The following CIMAP2 variants were observed in gnomAD, a reference collection of about 807,000 sequenced individuals.
CIMAP2 encodes the protein ciliary microtubule-associated protein 2.
chr1:54,811,765 G>GCCGGGGGGGGGGGGGCCCCCCCCCC, the CIMAP2 span: 31 of 1,301,234 alleles, frequency 2.4e-5, no homozygotes, highest in Admixed American at 7.3e-5. Flanking sequence ...GGTTCTGACA[G>GCCGGGGGGGGGGGGGCCCCCCCCCC]CCTCCATGCC....
the CIMAP2 span, among the ~76,000 whole-genome samples, chr1:54,841,431 C>T: frequency 1.3e-5 from 2 of 152,036 alleles, no homozygotes; most frequent in African/African-American, 4.8e-5. Flanking sequence ...TACATTCTGG[C>T]CCTGATGCTG....
chr1:54,814,475 C>A, the CIMAP2 span, among the ~76,000 whole-genome samples: 3 of 152,318 alleles, frequency 2.0e-5, no homozygotes, highest in African/African-American at 7.2e-5. Context: ...TAGGCACTTT[C>A]CAGCCTTCCT....
At chr1:54,811,884 G>T in the CIMAP2 span, 1 of 1,613,258 alleles carries the variant, frequency 6.2e-7, no homozygotes, top group Non-Finnish European at 8.5e-7. Flanking sequence ...TCATTCCGAG[G>T]GCCTCATGTG....
the CIMAP2 span, among the ~76,000 whole-genome samples, chr1:54,820,047 T>TCCTC: frequency 1.4e-5 from 2 of 143,160 alleles, no homozygotes; most frequent in South Asian, 2.4e-4. Flanking sequence ...ATTCATTCCT[T>TCCTC]CCTTCTTCCC....
At chr1:54,811,798 A>G in the CIMAP2 span, 2 of 906,494 alleles carry the variant, frequency 2.2e-6, no homozygotes, top group Non-Finnish European at 3.2e-6. Context: ...CCACAGAACT[A>G]CTATCCAGGC....
At chr1:54,811,026 G>T in the CIMAP2 span, among the ~76,000 whole-genome samples, 1 of 152,182 alleles carries the variant, frequency 6.6e-6, no homozygotes, top group African/African-American at 2.4e-5. Flanking sequence ...TGCTCCCCAA[G>T]CACGTGCCAT....
At chr1:54,811,765 G>GCCGGGGGGGGGGGGGCGCCCCCCCC in the CIMAP2 span, 1 of 1,301,332 alleles carries the variant, frequency 7.7e-7, no homozygotes, top group Non-Finnish European at 1.1e-6. Context: ...GGTTCTGACA[G>GCCGGGGGGGGGGGGGCGCCCCCCCC]CCTCCATGCC....
At chr1:54,818,591 T>G in the CIMAP2 span, among the ~76,000 whole-genome samples, 4 of 152,104 alleles carry the variant, frequency 2.6e-5, no homozygotes, top group African/African-American at 9.7e-5. Context: ...GTGTGCAGTA[T>G]GTTCTTTTTT....
chr1:54,820,046 T>TTCC, the CIMAP2 span, among the ~76,000 whole-genome samples: 1 of 145,266 alleles, frequency 6.9e-6, no homozygotes. Flanking sequence ...CATTCATTCC[T>TTCC]TCCTTCTTCC....
At chr1:54,811,768 T>TGGGGGGG in the CIMAP2 span, 5 of 533,344 alleles carry the variant, frequency 9.4e-6, no homozygotes, top group Non-Finnish European at 1.9e-5. Flanking sequence ...TCTGACAGCC[T>TGGGGGGG]CCATGCCCCC....
the CIMAP2 span, among the ~76,000 whole-genome samples, chr1:54,824,724 T>C: frequency 0.2 from 29,736 of 151,778 alleles, 2,968 homozygotes; most frequent in East Asian, 0.33. Flanking sequence ...CTAGGATTTC[T>C]GTTTGGTTCC....
At chr1:54,806,104 G>A in the CIMAP2 span, 4 of 1,514,552 alleles carry the variant, frequency 2.6e-6, no homozygotes, top group East Asian at 2.5e-5. Flanking sequence ...GGCGGGCAGC[G>A]CGCAGGCCTG....
At chr1:54,816,838 C>T in the CIMAP2 span, 2 of 1,010,934 alleles carry the variant, frequency 2.0e-6, no homozygotes, top group Admixed American at 2.8e-5. Context: ...ACTGGGGTTG[C>T]TCGGGGTTGG....
the CIMAP2 span, chr1:54,807,418 A>G: frequency 7.5e-7 from 1 of 1,337,848 alleles, no homozygotes. Flanking sequence ...CCACAGGGGG[A>G]TTGCCTACTC....
At chr1:54,806,855 C>T in the CIMAP2 span, 1 of 788,304 alleles carries the variant, frequency 1.3e-6, no homozygotes, top group Non-Finnish European at 2.2e-6. Context: ...TTCAAAGCCA[C>T]TGCAACTCCA....
At chr1:54,830,503 T>A in the CIMAP2 span, among the ~76,000 whole-genome samples, 1 of 152,222 alleles carries the variant, frequency 6.6e-6, no homozygotes, top group Non-Finnish European at 1.5e-5. This position sits in a 1 kb window ranked among gnomAD's most constrained non-coding sequence, Gnocchi z 4.1. Context: ...ATTACAGGCA[T>A]GAGCCACTGC....
At chr1:54,816,185 G>C in the CIMAP2 span, among the ~76,000 whole-genome samples, 2 of 152,208 alleles carry the variant, frequency 1.3e-5, no homozygotes, top group Admixed American at 6.5e-5. Context: ...CACCCCACAG[G>C]GCGGGAGAGC....
At chr1:54,841,352 G>A in the CIMAP2 span, among the ~76,000 whole-genome samples, 4 of 152,312 alleles carry the variant, frequency 2.6e-5, no homozygotes, top group East Asian at 7.7e-4. Context: ...GGGAGGTTGA[G>A]TCCTCAGGGT....
the CIMAP2 span, among the ~76,000 whole-genome samples, chr1:54,811,083 C>T: frequency 2.6e-5 from 4 of 152,320 alleles, no homozygotes; most frequent in South Asian, 2.1e-4. Flanking sequence ...TTAACTTCAT[C>T]GTCATTACCT....
Sources: allele counts gnomAD v4.1 joint callset (sites outside exome capture counted in the v4.1 genomes callset), GRCh38; gene constraint gnomAD v4.1.1; non-coding constraint Gnocchi (gnomAD v3.1); transcripts MANE v1.5; gene names NCBI Gene and HGNC (gene_info 2026-07-23, HGNC 2026-07-21).